The following SYNE3 variants were observed in gnomAD, a reference collection of about 807,000 sequenced individuals.
SYNE3 encodes the protein nesprin-3.
In SYNE3, 100 loss-of-function variants were observed where a neutral mutation model predicts 111.2. The observed-to-expected ratio is 0.90, with a 90% CI of 0.77 to 1.06. The LOEUF (loss-of-function observed/expected upper bound fraction) is 1.06, where lower values mean the gene tolerates loss of function less well. Ranked by LOEUF, SYNE3 falls within the 50% of genes least tolerant of loss-of-function variation. The pLI, the probability that SYNE3 is intolerant of heterozygous loss-of-function variation, is 0.00. For synonymous variants in SYNE3, 547 were observed against 533.9 expected (o/e 1.02, Z -0.34); for missense variants, 1,160 against 1,240.3 (o/e 0.94, Z 0.97).
At chr14:95,465,832 A>C in intron 4 of SYNE3, 99 bp downstream of exon 4, 2 of 1,294,948 alleles carry the variant, frequency 1.5e-6, no homozygotes, top group East Asian at 5.0e-5. Context: ...ATAGTAGGTA[A>C]ATAGCTTGAT....
chr14:95,513,737 TTATA>T (rs59944497), intron 1 of SYNE3, among the ~76,000 whole-genome samples: 25,047 of 92,366 alleles, frequency 0.27, 3,166 homozygotes, highest in Admixed American at 0.35. Flanking sequence ...GCTGCTTAGA[TTATA>T]TATATATATA....
At chr14:95,420,462 G>A (rs77520581) in intron 17 of SYNE3, among the ~76,000 whole-genome samples, 92 of 152,312 alleles carry the variant, frequency 6.0e-4, no homozygotes, top group Non-Finnish European at 1.1e-3. Flanking sequence ...TTCATTCTCA[G>A]AGTTAACACT....
At chr14:95,493,204 AC>A (rs1889930027) in intron 1 of SYNE3, among the ~76,000 whole-genome samples, 1 of 152,134 alleles carries the variant, frequency 6.6e-6, no homozygotes, top group Non-Finnish European at 1.5e-5. Flanking sequence ...GCTGCTTGAG[AC>A]CTTTTTTTCC....
intron 1 of SYNE3, among the ~76,000 whole-genome samples, chr14:95,505,175 AC>A (rs1450151582): frequency 1.3e-5 from 2 of 152,246 alleles, no homozygotes; most frequent in African/African-American, 2.4e-5. Flanking sequence ...CGGGGTCCTA[AC>A]GTTGCATTCG....
At chr14:95,505,199 G>A (rs932396797) in intron 1 of SYNE3, among the ~76,000 whole-genome samples, 2 of 152,252 alleles carry the variant, frequency 1.3e-5, no homozygotes, top group South Asian at 2.1e-4. Flanking sequence ...GAGTTTACGC[G>A]GCAGCGCTGA....
chr14:95,432,610 G>T (rs146176315), intron 16 of SYNE3, among the ~76,000 whole-genome samples: 6 of 151,066 alleles, frequency 4.0e-5, no homozygotes, highest in African/African-American at 1.5e-4. Flanking sequence ...ATTGAGCAAA[G>T]GTTATGATCA....
At chr14:95,473,510 C>T (rs1051740702) in intron 2 of SYNE3, among the ~76,000 whole-genome samples, 45 of 151,946 alleles carry the variant, frequency 3.0e-4, no homozygotes, top group African/African-American at 9.9e-4. Context: ...ATTTCTTGTG[C>T]ACACCCAGAC....
At chr14:95,430,566 G>A (rs887091196) in intron 17 of SYNE3, among the ~76,000 whole-genome samples, 1 of 152,238 alleles carries the variant, frequency 6.6e-6, no homozygotes, top group Non-Finnish European at 1.5e-5. Context: ...GCTCATGCCT[G>A]TAATCCCAGC....
intron 13 of SYNE3, 52 bp downstream of exon 13, chr14:95,439,560 T>G (rs1886288821): frequency 1.3e-6 from 2 of 1,595,416 alleles, no homozygotes; most frequent in Non-Finnish European, 1.7e-6. Context: ...TGTCCCTGAG[T>G]GAGAAGGGGC....
intron 1 of SYNE3, among the ~76,000 whole-genome samples, chr14:95,490,759 T>C (rs183907912): frequency 5.1e-4 from 78 of 152,368 alleles, no homozygotes; most frequent in Non-Finnish European, 1.0e-3. Context: ...TCTTCAGATA[T>C]GGCCCAGGGC....
intron 17 of SYNE3, among the ~76,000 whole-genome samples, chr14:95,425,243 CA>C (rs71132347): frequency 0.74 from 105,920 of 142,778 alleles, 38,910 homozygotes; most frequent in Non-Finnish European, 0.81. Flanking sequence ...GAGACTCCAT[CA>C]AAAAAAAAAA....
chr14:95,445,953 C>G lies in SYNE3; in HGVS notation c.1588G>C (p.Asp530His). 6.2e-7 allele frequency: 1 copy of G among 1,614,136 alleles called. No individual in the cohort carries two copies. Among genetic ancestry groups the G allele is most frequent in the South Asian group, 1.1e-5 (1 of 91,080 alleles). Residue 530 changes from aspartate to histidine, a missense_variant, in exon 9 of 18, where the codon GAC becomes CAC. Physicochemically the swap from Asp to His is moderately conservative, Grantham distance 81 (BLOSUM62 -1). Transcript: ENST00000682763. The part of the protein sequence containing the change: ...EQVAGSMRDR[D>H]LLHNSLLQRK... ...TGCAGGAGGCTGTTATGCAGCAGGT[C>G]TCTGTCCCTCATGGAACCTGCCACC... is the stretch of plus-strand genomic sequence containing the variant.
chr14:95,411,502 G>C lies in SYNE3; in HGVS notation c.*6324C>G, dbSNP rs1349049536. On this transcript the variant is annotated 3_prime_UTR_variant, in exon 18 of 18. Coordinates refer to ENST00000682763, the MANE Select transcript of SYNE3 (RefSeq NM_152592.6). ...GGTCAGAGAGTGGGGAGTGGGAAAGGTTGGTGATCAACTATTTTGATGTCT... is the reference window on the plus strand; with the variant it reads ...GGTCAGAGAGTGGGGAGTGGGAAAGCTTGGTGATCAACTATTTTGATGTCT... 6.6e-6 allele frequency: 1 copy of C among 152,182 alleles called. No individual in the cohort carries two copies. The highest frequency in any genetic ancestry group is 1.9e-4 in the East Asian group (1 of 5,190). The allele number at this position is 152,182 out of a possible 1,614,324, so 9.4% of individuals were successfully genotyped here.
At chr14:95,479,216 G>A (rs570461600) in intron 1 of SYNE3, among the ~76,000 whole-genome samples, 13 of 110,296 alleles carry the variant, frequency 1.2e-4, no homozygotes, top group South Asian at 3.2e-4. Context: ...GTGAGACCTC[G>A]TCTCTACCAA....
chr14:95,488,851 G>C (rs542117336), intron 1 of SYNE3, among the ~76,000 whole-genome samples: 3 of 152,178 alleles, frequency 2.0e-5, no homozygotes, highest in Non-Finnish European at 4.4e-5. Context: ...AACACTGTAC[G>C]GTCAGTCTTT....
intron 11 of SYNE3, among the ~76,000 whole-genome samples, chr14:95,442,856 G>A (rs986717047): frequency 6.6e-6 from 1 of 152,190 alleles, no homozygotes; most frequent in African/African-American, 2.4e-5. Context: ...GCATTGGCTT[G>A]TTTGCTTGAT....
In SYNE3 at chr14:95,452,341, G is replaced by C; in HGVS notation, c.1180C>G (p.Arg394Gly). The C allele has an allele frequency of 6.2e-7, 1 of 1,613,558 alleles. No homozygotes were observed. The highest frequency in any genetic ancestry group is 8.5e-7 in the Non-Finnish European group (1 of 1,179,892). The change falls in exon 7 of 18, where the codon CGG becomes GGG. Residue 394 changes from arginine (R) to glycine (G), a missense_variant. By Grantham distance (125) the Arg-to-Gly change is moderately radical. Coordinates refer to ENST00000682763, the MANE Select transcript of SYNE3 (RefSeq NM_152592.6). Reference protein sequence around the residue: ...ALASEEPRVDRLQAQLKELIV... With the variant: ...ALASEEPRVDGLQAQLKELIV... ...AGCTCCTTCAGCTGGGCTTGCAGCCGGTCCACCCGGGGCTCCTCCGAGGCC... is the reference window on the plus strand; with the variant it reads ...AGCTCCTTCAGCTGGGCTTGCAGCCCGTCCACCCGGGGCTCCTCCGAGGCC...
chr14:95,480,074 TAAAA>T (rs1020370205), intron 1 of SYNE3, among the ~76,000 whole-genome samples: 2 of 149,656 alleles, frequency 1.3e-5, no homozygotes, highest in African/African-American at 5.1e-5. Context: ...AATAAATAAA[TAAAA>T]AAGAACTGTG....
At chr14:95,460,643 C>T (rs1887744460) in intron 4 of SYNE3, among the ~76,000 whole-genome samples, 1 of 152,216 alleles carries the variant, frequency 6.6e-6, no homozygotes, top group East Asian at 1.9e-4. Flanking sequence ...GGGACAGTCC[C>T]CTTCATGCTT....
Sources: allele counts gnomAD v4.1 joint callset (sites outside exome capture counted in the v4.1 genomes callset), GRCh38; gene constraint gnomAD v4.1.1; transcripts MANE v1.5; gene names NCBI Gene and HGNC (gene_info 2026-07-23, HGNC 2026-07-21).